ZMIZ1: variants seen among roughly 807,000 people sequenced by gnomAD.
The protein encoded by ZMIZ1 is zinc finger MIZ-type containing 1, also known as zinc finger MIZ domain-containing protein 1.
ZMIZ1 carries 17 observed loss-of-function variants against 113.9 expected under a neutral mutation model. That is an observed-to-expected ratio of 0.15 (90% confidence interval 0.10 to 0.22). The LOEUF (loss-of-function observed/expected upper bound fraction) is 0.22, where lower values mean the gene tolerates loss of function less well. Among genes scored for constraint, ZMIZ1 ranks in the 10% least tolerant of loss-of-function variants. The pLI is 1.00. For synonymous variants in ZMIZ1, 607 were observed against 603.1 expected, an observed-to-expected ratio of 1.01 and a Z score of -0.09; for missense variants, 1,059 against 1,477.8, an observed-to-expected ratio of 0.72 and a Z score of 4.65.
intron 1 of ZMIZ1, among the ~76,000 whole-genome samples, chr10:79,073,283 T>C (rs1842354838): frequency 6.6e-6 from 1 of 152,194 alleles, no homozygotes; most frequent in Admixed American, 6.5e-5. Flanking sequence ...CCCCTAGGCA[T>C]GTGTCCCTTG....
chr10:79,289,522 GAC>G (rs1853320831), intron 8 of ZMIZ1, among the ~76,000 whole-genome samples: 1 of 152,218 alleles, frequency 6.6e-6, no homozygotes, highest in Non-Finnish European at 1.5e-5. Context: ...GATACAGGGA[GAC>G]ACACAGCCAT....
At chr10:79,224,462 A>C (rs1234341729) in intron 7 of ZMIZ1, among the ~76,000 whole-genome samples, 1 of 151,944 alleles carries the variant, frequency 6.6e-6, no homozygotes, top group Admixed American at 6.6e-5. Context: ...CAGACCTCTC[A>C]TCTGGGGGAT....
chr10:79,098,185 G>A (rs886212673), intron 1 of ZMIZ1, among the ~76,000 whole-genome samples: 1 of 152,212 alleles, frequency 6.6e-6, no homozygotes, highest in Non-Finnish European at 1.5e-5. Flanking sequence ...TAGACTAGGA[G>A]AAGAGACTAT....
At position 79,216,088 on chromosome 10, in the gene ZMIZ1, ACCCACTTCACC is replaced by A. The variant is rs1236958824; in HGVS notation, c.175-80_175-70del. On this transcript the variant is annotated intron_variant, in intron 6 of 24. Coordinates refer to ENST00000334512, the MANE Select transcript of ZMIZ1 (RefSeq NM_020338.4). The stretch of plus-strand genomic sequence containing the variant: ...GGCACTGCCTTAGCTTGCCCACCTC[ACCCACTTCACC>A]TGCAAAATGGGCATATCCATTGGCT... The A allele has an allele frequency of 2.2e-4, 225 of 1,023,298 alleles. No homozygotes were observed. In the African/African-American group the frequency reaches 3.6e-3, roughly 16 times the overall value. 63.4% of individuals were successfully genotyped at this position (1,023,298 alleles called of 1,614,324 possible).
chr10:79,181,300 C>A (rs1477439690), intron 4 of ZMIZ1, among the ~76,000 whole-genome samples: 3 of 152,214 alleles, frequency 2.0e-5, no homozygotes, highest in Admixed American at 6.5e-5. Context: ...GTCCTGTGGC[C>A]CTGCCTACAA....
At chr10:79,281,318 A>G (rs1459472324) in intron 8 of ZMIZ1, among the ~76,000 whole-genome samples, 1 of 152,206 alleles carries the variant, frequency 6.6e-6, no homozygotes, top group East Asian at 1.9e-4. Context: ...ACTAGGGTTC[A>G]TTGACAGGCA....
rs763373644 is a variant in ZMIZ1, at chr10:79,298,518, A to G, written c.1604A>G (p.Asp535Gly). The change falls in exon 15 of 25, where the codon GAC becomes GGC. Residue 535 changes from aspartate to glycine, a missense_variant. This residue lies in a region of ZMIZ1 where 239 missense variants were observed against 247.5 expected (regional missense o/e 0.97). Coordinates refer to ENST00000334512, the MANE Select transcript of ZMIZ1 (RefSeq NM_020338.4). ...CCTCCATACCTGTCCCCCAGCCAAG[A>G]CGTCAAACCACCCTTCCCGCCTGAC... ...SIPPYLSPSQ[D>G]VKPPFPPDIK... The G allele has an allele frequency of 6.2e-7, 1 of 1,600,242 alleles. No individual in the cohort carries two copies. The highest frequency in any genetic ancestry group is 1.4e-5 in the African/African-American group (1 of 73,642).
chr10:79,307,655 G>A, intron 23 of ZMIZ1, 84 bp downstream of exon 23: 1 of 1,459,506 alleles, frequency 6.9e-7, no homozygotes, highest in East Asian at 2.3e-5. Context: ...TCCCTCCCAG[G>A]CAAGGCAGAG....
intron 23 of ZMIZ1, 43 bp from the exon 24 acceptor site, chr10:79,310,881 C>G: frequency 6.3e-7 from 1 of 1,584,606 alleles, no homozygotes; most frequent in Non-Finnish European, 8.6e-7. Flanking sequence ...GCCGTGCCTC[C>G]TCACCTCACC....
At chr10:79,279,803 A>G (rs1265844020) in intron 8 of ZMIZ1, among the ~76,000 whole-genome samples, 3 of 152,090 alleles carry the variant, frequency 2.0e-5, no homozygotes, top group Non-Finnish European at 4.4e-5. Flanking sequence ...TCCACCAAAA[A>G]ATAGGAAAAC....
intron 7 of ZMIZ1, among the ~76,000 whole-genome samples, chr10:79,255,410 G>A (rs892533202): frequency 1.3e-5 from 2 of 152,242 alleles, no homozygotes; most frequent in Non-Finnish European, 2.9e-5. Context: ...GCTGAAGCAT[G>A]GGTATGAGTA....
At chr10:79,115,030 G>T (rs1843961663) in intron 1 of ZMIZ1, among the ~76,000 whole-genome samples, 1 of 152,220 alleles carries the variant, frequency 6.6e-6, no homozygotes. Flanking sequence ...GGAAAGGCCT[G>T]GGAAGTTGTG....
intron 24 of ZMIZ1, among the ~76,000 whole-genome samples, chr10:79,311,413 T>C (rs1285334366): frequency 6.6e-6 from 1 of 152,116 alleles, no homozygotes; most frequent in Non-Finnish European, 1.5e-5. Flanking sequence ...CCTTTGGCCA[T>C]AGCCCTGAAC....
intron 4 of ZMIZ1, among the ~76,000 whole-genome samples, chr10:79,197,351 G>A (rs1403777837): frequency 6.6e-6 from 1 of 152,148 alleles, no homozygotes; most frequent in Non-Finnish European, 1.5e-5. Flanking sequence ...GCTCTGATGG[G>A]GCCTGGCACC....
intron 1 of ZMIZ1, among the ~76,000 whole-genome samples, chr10:79,070,902 G>T (rs1842259187): frequency 7.1e-6 from 1 of 140,914 alleles, no homozygotes; most frequent in African/African-American, 2.6e-5. Context: ...CCTCTCCCCT[G>T]ACTGCTTTTC....
intron 7 of ZMIZ1, among the ~76,000 whole-genome samples, chr10:79,217,382 G>A (rs187200893): frequency 9.9e-5 from 15 of 152,096 alleles, no homozygotes; most frequent in Admixed American, 5.2e-4. Flanking sequence ...CCGAGATCGC[G>A]CCACTGCACT....
intron 3 of ZMIZ1, among the ~76,000 whole-genome samples, chr10:79,154,608 C>A (rs1452747246): frequency 6.6e-6 from 1 of 152,244 alleles, no homozygotes; most frequent in Non-Finnish European, 1.5e-5. Flanking sequence ...AAAGGGATGG[C>A]TGTGCCCACC....
At chr10:79,286,517 C>T (rs530597083) in intron 8 of ZMIZ1, among the ~76,000 whole-genome samples, 4 of 152,378 alleles carry the variant, frequency 2.6e-5, no homozygotes, top group African/African-American at 7.2e-5. Context: ...CTGCCCCACA[C>T]GCTGTGCCTG....
chr10:79,268,188 G>C (rs1229428289), intron 7 of ZMIZ1, among the ~76,000 whole-genome samples: 1 of 152,222 alleles, frequency 6.6e-6, no homozygotes, highest in African/African-American at 2.4e-5. Flanking sequence ...AGCAGAGGAC[G>C]ACCAGGGCTG....
Sources: allele counts gnomAD v4.1 joint callset (sites outside exome capture counted in the v4.1 genomes callset), GRCh38; gene constraint gnomAD v4.1.1; regional missense constraint gnomAD v4.1.1; transcripts MANE v1.5; gene names NCBI Gene and HGNC (gene_info 2026-07-23, HGNC 2026-07-21).